Variants in MCUB observed in about 807,000 individuals in gnomAD.
MCUB encodes the protein calcium uniporter regulatory subunit MCUb, mitochondrial.
MCUB carries 46 observed loss-of-function variants against 41.4 expected under a neutral mutation model. That is an observed-to-expected ratio of 1.11 (90% CI 0.88 to 1.42). The LOEUF (loss-of-function observed/expected upper bound fraction) is 1.42, where lower values mean the gene tolerates loss of function less well. Ranked by LOEUF, MCUB falls within the 40% of genes most tolerant of loss-of-function variation. The pLI is 0.00. For synonymous variants in MCUB, 148 were observed against 148.2 expected (o/e 1.00, Z 0.01); for missense variants, 403 against 404.9 (o/e 1.00, Z 0.04).
chr4:109,660,831 A>G (rs13112432), intron 3 of MCUB, among the ~76,000 whole-genome samples: 1 of 147,316 alleles, frequency 6.8e-6, no homozygotes, highest in Non-Finnish European at 1.5e-5. Context: ...AAAGAAAATT[A>G]AAAAAAAAAA....
chr4:109,624,438 A>G (rs1728319983), intron 1 of MCUB, among the ~76,000 whole-genome samples: 1 of 152,254 alleles, frequency 6.6e-6, no homozygotes. Context: ...ACAGCAATGC[A>G]TGAATGGCAT....
chr4:109,652,049 A>G (rs1363393785), intron 1 of MCUB, among the ~76,000 whole-genome samples: 1 of 152,242 alleles, frequency 6.6e-6, no homozygotes, highest in Admixed American at 6.5e-5. Flanking sequence ...CTTGGCTTGT[A>G]CATGGCTGTT....
intron 1 of MCUB, among the ~76,000 whole-genome samples, chr4:109,626,537 G>T (rs928167997): frequency 6.6e-6 from 1 of 151,962 alleles, no homozygotes; most frequent in African/African-American, 2.4e-5. Flanking sequence ...CCTGGGCCAG[G>T]CGCAGTGGCT....
chr4:109,587,331 C>T (rs73612658), intron 1 of MCUB, among the ~76,000 whole-genome samples: 10 of 152,200 alleles, frequency 6.6e-5, no homozygotes, highest in Admixed American at 2.0e-4. Context: ...AGTATTTGGG[C>T]GAGAGTGTCC....
Position 109,609,081 on chromosome 4 carries a change from CTG to C in MCUB, c.99+48648_99+48649del, listed in dbSNP as rs199840907. ...ACAAATGGGATCTCTCTCTCTCTCT[CTG>C]TGCTGAGCTGCCTGGAGCTGGGAGT... On this transcript the variant is annotated intron_variant, in intron 1 of 7. Coordinates refer to ENST00000394650, the MANE Select transcript of MCUB (RefSeq NM_017918.5). Among the ~76,000 whole-genome samples the C allele has an allele frequency of 6.0e-3, 895 of 148,210 alleles. 30 individuals are homozygous for C. In the South Asian group the frequency reaches 0.077, roughly 13 times the overall value.
chr4:109,579,778 A>G (rs995152395), intron 1 of MCUB, among the ~76,000 whole-genome samples: 3 of 152,226 alleles, frequency 2.0e-5, no homozygotes, highest in Non-Finnish European at 2.9e-5. Flanking sequence ...AAATTTATCC[A>G]GAGAATGAGT....
At chr4:109,670,661 A>G (rs991684203) in intron 4 of MCUB, among the ~76,000 whole-genome samples, 44 of 152,008 alleles carry the variant, frequency 2.9e-4, no homozygotes, top group African/African-American at 1.1e-3. Flanking sequence ...AGCTGCAGTG[A>G]GCCAAGATCA....
chr4:109,574,970 G>A (rs1337650296), intron 1 of MCUB, among the ~76,000 whole-genome samples: 1 of 152,200 alleles, frequency 6.6e-6, no homozygotes, highest in African/African-American at 2.4e-5. Context: ...AAGTTAGACT[G>A]AGTAGAAAGA....
At chr4:109,573,560 C>A (rs1384478812) in intron 1 of MCUB, among the ~76,000 whole-genome samples, 1 of 151,976 alleles carries the variant, frequency 6.6e-6, no homozygotes, top group Admixed American at 6.6e-5. Flanking sequence ...ATGAGGGAGT[C>A]CTGGCTTGGT....
intron 1 of MCUB, among the ~76,000 whole-genome samples, chr4:109,565,009 A>G (rs1726737664): frequency 6.6e-6 from 1 of 152,228 alleles, no homozygotes; most frequent in African/African-American, 2.4e-5. Flanking sequence ...CAAAGTGAAC[A>G]AGAAAGAGAC....
chr4:109,622,708 C>T (rs1028827733), intron 1 of MCUB, among the ~76,000 whole-genome samples: 1 of 152,198 alleles, frequency 6.6e-6, no homozygotes, highest in Non-Finnish European at 1.5e-5. Flanking sequence ...CAAACTTAAT[C>T]CATCATACAC....
At chr4:109,665,462 T>A (rs1224944117) in intron 4 of MCUB, among the ~76,000 whole-genome samples, 1 of 152,164 alleles carries the variant, frequency 6.6e-6, no homozygotes, top group African/African-American at 2.4e-5. Context: ...ACATTAAGAA[T>A]TATACAGAAT....
intron 1 of MCUB, among the ~76,000 whole-genome samples, chr4:109,618,461 T>C (rs1728177129): frequency 6.6e-6 from 1 of 152,252 alleles, no homozygotes; most frequent in Admixed American, 6.5e-5. Context: ...TCCTGCTTTA[T>C]GATAAGATGA....
At chr4:109,590,555 G>C (rs981048462) in intron 1 of MCUB, among the ~76,000 whole-genome samples, 1 of 152,156 alleles carries the variant, frequency 6.6e-6, no homozygotes, top group Non-Finnish European at 1.5e-5. Context: ...AAGTCAAATA[G>C]TTGTATAAAT....
chr4:109,675,148 G>C (rs1400002592), intron 4 of MCUB, among the ~76,000 whole-genome samples: 1 of 152,200 alleles, frequency 6.6e-6, no homozygotes, highest in Non-Finnish European at 1.5e-5. Context: ...GCCTTTATTA[G>C]GAAATGCCAC....
rs1228662401 is a variant in MCUB at position 109,685,282 on chromosome 4, A to T, written c.848A>T (p.Gln283Leu). The change falls in exon 7 of 8, where the codon CAA becomes CTA. Residue 283 changes from glutamine to leucine, a missense_variant. Physicochemically the swap from Gln to Leu is moderately radical, Grantham distance 113. Coordinates refer to ENST00000394650, the MANE Select transcript of MCUB (RefSeq NM_017918.5). ...ACTTACTCAGCTGTTAAGAGTAGGC[A>T]ATTTCTTCAGTTCTTCCACAAGAAA... ...DYTYSAVKSR[Q>L]FLQFFHKKSK... 6.4e-7 allele frequency: 1 copy of T among 1,553,482 alleles called. No individual in the cohort carries two copies. The highest frequency in any genetic ancestry group is 2.2e-5 in the East Asian group (1 of 44,570).
chr4:109,604,840 C>A (rs539078167), intron 1 of MCUB, among the ~76,000 whole-genome samples: 15 of 152,240 alleles, frequency 9.9e-5, no homozygotes, highest in African/African-American at 3.6e-4. Flanking sequence ...TTGCATATGT[C>A]AAACCATGGT....
chr4:109,680,438 A>G (rs1480897144), intron 4 of MCUB, among the ~76,000 whole-genome samples: 1 of 152,154 alleles, frequency 6.6e-6, no homozygotes, highest in Non-Finnish European at 1.5e-5. Context: ...AGTTGAGTTC[A>G]GTTCACGCTG....
chr4:109,584,938 G>A lies in MCUB; in HGVS notation c.99+24502G>A, dbSNP rs140541345. On this transcript the variant is annotated intron_variant, in intron 1 of 7. Transcript: ENST00000394650. ...AGAATGTATATTCTGTTGCTTTGGG[G>A]TGGAGAGTTCTGTAGGTGTCTATTA... is the stretch of plus-strand genomic sequence containing the variant. Among the ~76,000 whole-genome samples the A allele has an allele frequency of 3.5e-3, 535 of 152,296 alleles. 6 individuals are homozygous for A. Among genetic ancestry groups the A allele is most frequent in the East Asian group, 0.013 (70 of 5,190 alleles).
Sources: gnomAD v4.1 joint callset for allele counts (sites outside exome capture counted in the v4.1 genomes callset) on GRCh38, gnomAD v4.1.1 for gene constraint, MANE v1.5 for transcripts, NCBI Gene and HGNC (gene_info 2026-07-23, HGNC 2026-07-21) for gene names.